The following TTLL4 variants were observed in gnomAD, a reference collection of about 807,000 sequenced individuals.
TTLL4 encodes the protein tubulin tyrosine ligase like 4, also known as tubulin monoglutamylase TTLL4.
In TTLL4, 85 loss-of-function variants were observed where a neutral mutation model predicts 122.7. The observed-to-expected ratio is 0.69, with a 90% confidence interval of 0.58 to 0.83. The LOEUF (loss-of-function observed/expected upper bound fraction) is 0.83. Among genes scored for constraint, TTLL4 ranks in the 40% least tolerant of loss-of-function variants. The probability of loss-of-function intolerance (pLI) is 0.00; values close to 1 mark genes in which losing one functional copy is unlikely to be tolerated. For synonymous variants in TTLL4, 553 were observed against 563.0 expected, an observed-to-expected ratio of 0.98 and a Z score of 0.25; for missense variants, 1,363 against 1,488.6, an observed-to-expected ratio of 0.92 and a Z score of 1.39.
chr2:218,740,431 C>A, intron 4 of TTLL4, 90 bp from the exon 5 acceptor site: 1 of 1,405,972 alleles, frequency 7.1e-7, no homozygotes. Flanking sequence ...AGGGTTGAGC[C>A]CAGGATATTC....
At chr2:218,759,659 A>G (rs1403546709), downstream of TTLL4, among the ~76,000 whole-genome samples, 1 of 152,198 alleles carries the variant, frequency 6.6e-6, no homozygotes, top group Non-Finnish European at 1.5e-5. Context: ...GAACTTGTCA[A>G]ATTGTGCACT....
At chr2:218,744,966 T>G in intron 5 of TTLL4, 143 bp from the exon 6 acceptor site, 1 of 1,120,064 alleles carries the variant, frequency 8.9e-7, no homozygotes, top group Admixed American at 2.7e-5. Flanking sequence ...ATGTACAAAA[T>G]AATTATTAAT....
downstream of TTLL4, among the ~76,000 whole-genome samples, chr2:218,759,577 C>A (rs755006314): frequency 6.6e-6 from 1 of 152,026 alleles, no homozygotes; most frequent in Non-Finnish European, 1.5e-5. Context: ...GAGGGGTAGA[C>A]TGTAGAGGGC....
In TTLL4 at chr2:218,747,831, AG is replaced by A; in HGVS notation, c.2378+110del. On this transcript the variant is annotated intron_variant, in intron 11 of 19. Coordinates refer to ENST00000392102, the MANE Select transcript of TTLL4 (RefSeq NM_014640.5). The surrounding 1 kb of genome is among the most constrained non-coding windows in gnomAD (Gnocchi z 4.7). ...AACAGAAAAATAGTTTTTGTTAGCA[AG>A]GGGAAAGGCAGGAAATGGGAAATAT... 6.7e-7 allele frequency: 1 copy of A among 1,497,930 alleles called. No individual in the cohort carries two copies. The highest frequency in any genetic ancestry group is 9.1e-7 in the Non-Finnish European group (1 of 1,104,454). The allele number at this position is 1,497,930 out of a possible 1,614,324, so 92.8% of individuals were successfully genotyped here. A position where few individuals can be genotyped will look rare whatever the true frequency, so the allele number is the denominator to read the frequency against.
intron 19 of TTLL4, 46 bp from the exon 20 acceptor site, chr2:218,754,088 G>C: frequency 4.3e-6 from 7 of 1,611,650 alleles, no homozygotes; most frequent in Non-Finnish European, 5.9e-6. Context: ...TAAAGTCTCA[G>C]TTAAACAGTG....
Position 218,753,590 on chromosome 2 carries a change from C to T in TTLL4, c.3265C>T (p.Leu1089Phe). Residue 1089 changes from leucine (L) to phenylalanine (F), a missense_variant, in exon 19 of 20, where the codon CTC (leucine) becomes TTC (phenylalanine). By Grantham distance (22) the Leu-to-Phe change is conservative (BLOSUM62 0). This residue lies in a region of TTLL4 where 596 missense variants were observed against 655.8 expected (regional missense o/e 0.91). Transcript: ENST00000392102. ...VVSDSAPVWS[L>F]PTSLLTISKD... ...TTGCTTCCTTTGCTCTTAGTGGTCT[C>T]TCCCGACATCACTTCTGACTATCTC... 6.2e-7 allele frequency: 1 copy of T among 1,614,166 alleles called. No homozygotes were observed. The highest frequency in any genetic ancestry group is 8.5e-7 in the Non-Finnish European group (1 of 1,180,040).
chr2:218,745,342 G>A (rs1275943292), intron 6 of TTLL4, 109 bp downstream of exon 6: 8 of 1,456,660 alleles, frequency 5.5e-6, no homozygotes, highest in African/African-American at 2.8e-5. Context: ...AATGGCTGTT[G>A]TGGCAGTTGT....
chr2:218,731,624 C>T (rs917852626), intron 2 of TTLL4, among the ~76,000 whole-genome samples: 3 of 152,166 alleles, frequency 2.0e-5, no homozygotes, highest in African/African-American at 7.2e-5. Context: ...TTGCTGCAAA[C>T]GTTTACTGGG....
intron 1 of TTLL4, among the ~76,000 whole-genome samples, chr2:218,722,481 A>C (rs1942074735): frequency 6.6e-6 from 1 of 152,162 alleles, no homozygotes; most frequent in South Asian, 2.1e-4. Flanking sequence ...GGACAATATT[A>C]GATAGGATTG....
chr2:218,715,028 A>G (rs1373690347), intron 1 of TTLL4, among the ~76,000 whole-genome samples: 3 of 152,198 alleles, frequency 2.0e-5, no homozygotes, highest in Non-Finnish European at 4.4e-5. Context: ...TAAGTTAGTT[A>G]ACACAAACAG....
In TTLL4 at chr2:218,738,429, C is replaced by T; in HGVS notation, c.753C>T (p.Ser251=). ...PVSPPKIQPV[S]WHHSGGTGDC... is the part of the protein sequence containing the mutation. ...CGCCACCCAAGATCCAGCCTGTCTC[C>T]TGGCATCATTCAGGGGGTACTGGAG... Residue 251 remains serine, a synonymous_variant, in exon 3 of 20, where the codon TCC becomes TCT. Transcript: ENST00000392102. 1.2e-6 allele frequency: 2 copies of T among 1,614,230 alleles called. No individual in the cohort carries two copies. The highest frequency in any genetic ancestry group is 1.1e-5 in the South Asian group (1 of 91,090).
chr2:218,723,391 C>CT (rs1942100050), intron 1 of TTLL4, among the ~76,000 whole-genome samples: 1 of 152,194 alleles, frequency 6.6e-6, no homozygotes, highest in South Asian at 2.1e-4. Context: ...CATTTTCCCT[C>CT]TAAGTATTGG....
At chr2:218,721,831 A>C (rs1942049226) in intron 1 of TTLL4, among the ~76,000 whole-genome samples, 1 of 152,174 alleles carries the variant, frequency 6.6e-6, no homozygotes, top group South Asian at 2.1e-4. Flanking sequence ...TGAGGTTTTT[A>C]TTTTAAAATA....
At chr2:218,718,345 T>C (rs1333693022) in intron 1 of TTLL4, among the ~76,000 whole-genome samples, 1 of 152,116 alleles carries the variant, frequency 6.6e-6, no homozygotes, top group Non-Finnish European at 1.5e-5. Context: ...TGGAGACTTG[T>C]TGGTTTGCGA....
chr2:218,737,281 A>G (rs1032743761), intron 2 of TTLL4, among the ~76,000 whole-genome samples: 6 of 152,084 alleles, frequency 3.9e-5, no homozygotes, highest in African/African-American at 1.4e-4. Flanking sequence ...TTTTTGTTGG[A>G]GAGAGAGGAA....
chr2:218,720,047 T>C (rs528011437), intron 1 of TTLL4, among the ~76,000 whole-genome samples: 35 of 152,308 alleles, frequency 2.3e-4, no homozygotes, highest in African/African-American at 8.2e-4. Context: ...AACTTAGTTT[T>C]CCTCTTAGGT....
At position 218,737,749 on chromosome 2, in the gene TTLL4, T is replaced by G. The variant is rs770517720; in HGVS notation, c.73T>G (p.Ser25Ala). Residue 25 changes from serine to alanine, a missense_variant, in exon 3 of 20, where the codon TCA becomes GCA. By Grantham distance (99) the Ser-to-Ala change is moderately conservative (BLOSUM62 1). Around this residue, in one of 3 missense-constraint regions of TTLL4, gnomAD observed 760 missense variants for 808.4 expected, o/e 0.94. Coordinates refer to ENST00000392102, the MANE Select transcript of TTLL4 (RefSeq NM_014640.5). ...QKNSFKQSGP[S>A]GTVPATPPEK... The stretch of plus-strand genomic sequence containing the variant: ...AAACAGCTTCAAGCAGAGTGGTCCC[T>G]CAGGCACAGTACCTGCCACGCCACC... The G allele has an allele frequency of 1.9e-6, 3 of 1,613,852 alleles. No homozygotes were observed. The African/African-American group carries it at 4.0e-5, about 22-fold the overall frequency.
rs947997255 is a variant in TTLL4 at position 218,755,357 on chromosome 2, T to C, written c.*968T>C. 2.6e-5 allele frequency: 4 copies of C among 152,158 alleles called. No individual in the cohort carries two copies. The highest frequency in any genetic ancestry group is 4.4e-5 in the Non-Finnish European group (3 of 68,054). The allele number at this position is 152,158 out of a possible 1,614,324, so 9.4% of individuals were successfully genotyped here. A position where few individuals can be genotyped will look rare whatever the true frequency, so the allele number is the denominator to read the frequency against. ...CCAATCAAACCTCAGACTAAACTCT[T>C]GTACTGAACTGATTCTACCTCCCTC... On this transcript the variant is annotated 3_prime_UTR_variant, in exon 20 of 20. Transcript: ENST00000392102.
At chr2:218,734,634 A>G (rs1193394539) in intron 2 of TTLL4, among the ~76,000 whole-genome samples, 1 of 152,192 alleles carries the variant, frequency 6.6e-6, no homozygotes, top group Non-Finnish European at 1.5e-5. Flanking sequence ...AGCATGATGC[A>G]CGTGGGAATC....
Sources: gnomAD v4.1 joint callset for allele counts (sites outside exome capture counted in the v4.1 genomes callset) on GRCh38, gnomAD v4.1.1 for gene constraint, gnomAD v4.1.1 regional missense constraint, Gnocchi (gnomAD v3.1) non-coding constraint, MANE v1.5 for transcripts, NCBI Gene and HGNC (gene_info 2026-07-23, HGNC 2026-07-21) for gene names.